SNX19: variants seen among roughly 807,000 people sequenced by gnomAD.
The protein encoded by SNX19 is sorting nexin 19, also known as sorting nexin-19.
SNX19 carries 60 observed loss-of-function variants against 85.2 expected under a neutral mutation model. The observed-to-expected ratio is 0.70, with a 90% CI of 0.57 to 0.87. SNX19 has a LOEUF of 0.87. Among genes scored for constraint, SNX19 ranks in the 40% least tolerant of loss-of-function variants. The pLI is 0.00. For synonymous variants in SNX19, 520 were observed against 470.0 expected, an observed-to-expected ratio of 1.11 and a Z score of -1.38; for missense variants, 1,201 against 1,217.8, an observed-to-expected ratio of 0.99 and a Z score of 0.21.
chr11:130,911,484 T>C, intron 2 of SNX19, 149 bp downstream of exon 2: 1 of 1,487,530 alleles, frequency 6.7e-7, no homozygotes, highest in Non-Finnish European at 8.9e-7. Flanking sequence ...TGTCCAGCAC[T>C]AAACTTCAAA....
intron 5 of SNX19, among the ~76,000 whole-genome samples, chr11:130,907,412 G>A (rs895408271): frequency 6.6e-6 from 1 of 152,104 alleles, no homozygotes; most frequent in East Asian, 1.9e-4. Flanking sequence ...TACATGTGGT[G>A]CCCTTGCTTG....
intron 7 of SNX19, among the ~76,000 whole-genome samples, chr11:130,903,662 A>G (rs996739874): frequency 6.6e-6 from 1 of 151,134 alleles, no homozygotes; most frequent in African/African-American, 2.4e-5. Flanking sequence ...AATTATATAT[A>G]TATCTGCTAA....
chr11:130,894,248 C>T (rs1192995627), intron 8 of SNX19, among the ~76,000 whole-genome samples: 1 of 152,214 alleles, frequency 6.6e-6, no homozygotes, highest in Non-Finnish European at 1.5e-5. Flanking sequence ...CTCATCACCA[C>T]AGACTCTGTT....
In SNX19 at chr11:130,873,901, TTCA is replaced by T. The variant is rs1377594401; in HGVS notation, c.*4518_*4520del. On this transcript the variant is annotated 3_prime_UTR_variant, in exon 11 of 11. Transcript: ENST00000265909. ...CAATTATTTCTGTAGATATCTGACCTTCATGGAAGATGACCTCATCTCTGGGGG... is the reference window on the plus strand; with the variant it reads ...CAATTATTTCTGTAGATATCTGACCTTGGAAGATGACCTCATCTCTGGGGG... Among the ~76,000 whole-genome samples the T allele has an allele frequency of 2.6e-5, 4 of 152,208 alleles. No homozygotes were observed. The highest frequency in any genetic ancestry group is 5.9e-5 in the Non-Finnish European group (4 of 68,050).
intron 8 of SNX19, among the ~76,000 whole-genome samples, chr11:130,898,749 G>C (rs1415776521): frequency 3.3e-5 from 5 of 152,212 alleles, no homozygotes; most frequent in African/African-American, 9.6e-5. Flanking sequence ...ACCTGCAACT[G>C]TCCCAGGGAT....
In SNX19 at chr11:130,878,591, A is replaced by T. The variant is rs752808390; in HGVS notation, c.2847-37T>A. On this transcript the variant is annotated intron_variant, in intron 10 of 10. Coordinates refer to ENST00000265909, the MANE Select transcript of SNX19 (RefSeq NM_014758.3). The stretch of plus-strand genomic sequence containing the variant: ...GGACAAAAAACTTAGGGTCTGGCTC[A>T]ATCAGGAAACACAAGATCCTGTTTA... The T allele has an allele frequency of 5.0e-6, 8 of 1,602,766 alleles. No homozygotes were observed. In the East Asian group the frequency reaches 1.8e-4, roughly 36 times the overall value.
At chr11:130,901,733 C>G (rs996340497) in intron 8 of SNX19, 2 of 152,202 alleles carry the variant, frequency 1.3e-5, no homozygotes, top group East Asian at 3.9e-4. Flanking sequence ...TACCTAGAGC[C>G]CCAGTATATT....
chr11:130,892,010 T>G (rs1189679620), intron 8 of SNX19, among the ~76,000 whole-genome samples: 1 of 151,656 alleles, frequency 6.6e-6, no homozygotes, highest in Non-Finnish European at 1.5e-5. Flanking sequence ...CCGGCAAATT[T>G]TTTTTGTATT....
Position 130,915,883 on chromosome 11 carries a change from G to A in SNX19, c.57C>T (p.His19=), listed in dbSNP as rs1946552325. Residue 19 remains histidine, a synonymous_variant, in exon 1 of 11, where the codon CAC becomes CAT. Transcript: ENST00000265909. ...TCCGGCTACTCAACAGGTTATTGAG[G>A]TGACAGCTCGATCCAGCTGGAGTTT... ...FQETPAGSSC[H]LNNLLSSRKL... The A allele has an allele frequency of 1.2e-6, 2 of 1,614,054 alleles. No individual in the cohort carries two copies. The highest frequency in any genetic ancestry group is 8.5e-7 in the Non-Finnish European group (1 of 1,180,014).
chr11:130,915,585 G>T lies in SNX19; in HGVS notation c.355C>A (p.Arg119Ser). 1.2e-6 allele frequency: 2 copies of T among 1,614,190 alleles called. No individual in the cohort carries two copies. Among genetic ancestry groups the T allele is most frequent in the Non-Finnish European group, 1.7e-6 (2 of 1,180,028 alleles). The change falls in exon 1 of 11, where the codon CGT (arginine) becomes AGT (serine). Residue 119 changes from arginine to serine, a missense_variant. Arg to Ser is a moderately radical substitution (Grantham distance 110). Around this residue, in one of 3 missense-constraint regions of SNX19, gnomAD observed 791 missense variants for 750.9 expected, o/e 1.05. Coordinates refer to ENST00000265909, the MANE Select transcript of SNX19 (RefSeq NM_014758.3). ...IIRDFVLSWY[R>S]SVSQEPAFEE... ...AAGGCTGGCTCCTGGCTCACGGAAC[G>T]GTACCAAGATAACACAAAATCTCGA...
At chr11:130,897,681 C>T (rs1275095454) in intron 8 of SNX19, among the ~76,000 whole-genome samples, 2 of 152,156 alleles carry the variant, frequency 1.3e-5, no homozygotes, top group Admixed American at 6.5e-5. Context: ...CCCCAAACCC[C>T]CTACCATCAA....
Position 130,907,885 on chromosome 11 carries a change from G to C in SNX19, c.2165+68C>G. 3 of 1,595,336 alleles carry C rather than the reference G, an allele frequency of 1.9e-6. No individual in the cohort carries two copies. The Admixed American group carries it at 5.1e-5, about 27-fold the overall frequency. ...TCTAGGGCTTGAGAATAGGGTGAGT[G>C]TTGGCTGAGGATTGGGGATCAATTT... On this transcript the variant is annotated intron_variant, in intron 5 of 10. Transcript: ENST00000265909.
intron 8 of SNX19, among the ~76,000 whole-genome samples, chr11:130,890,357 C>T (rs2135323605): frequency 6.6e-6 from 1 of 152,272 alleles, no homozygotes. Context: ...CCTAATTTGT[C>T]TTCCTGTTTC....
At chr11:130,905,008 T>C (rs1945550797) in intron 7 of SNX19, among the ~76,000 whole-genome samples, 1 of 152,240 alleles carries the variant, frequency 6.6e-6, no homozygotes, top group Non-Finnish European at 1.5e-5. Context: ...GATTTGTTCA[T>C]GGGCACCTCA....
chr11:130,909,220 A>ATC (rs1945901196), intron 4 of SNX19, among the ~76,000 whole-genome samples: 1 of 152,190 alleles, frequency 6.6e-6, no homozygotes, highest in Non-Finnish European at 1.5e-5. Context: ...GATGAATGAT[A>ATC]TCTGCATGGA....
Position 130,914,572 on chromosome 11 carries a change from T to C in SNX19, c.1368A>G (p.Ile456Met). Reference sequence around the variant, plus strand: ...CAGAGGCGGTAACATCTCCTTGTTCTATCTCCTTGTCTGCTGTGTCAATAT... The same window carrying C: ...CAGAGGCGGTAACATCTCCTTGTTCCATCTCCTTGTCTGCTGTGTCAATAT... ...EIHIDTADKE[I>M]EQGDVTASVT... The change falls in exon 1 of 11, where the codon ATA becomes ATG. Residue 456 changes from isoleucine (I) to methionine (M), a missense_variant. Around this residue, in one of 3 missense-constraint regions of SNX19, gnomAD observed 791 missense variants for 750.9 expected, o/e 1.05. Coordinates refer to ENST00000265909, the MANE Select transcript of SNX19 (RefSeq NM_014758.3). The C allele has an allele frequency of 1.9e-6, 3 of 1,613,984 alleles. No homozygotes were observed. Among genetic ancestry groups the C allele is most frequent in the Non-Finnish European group, 2.5e-6 (3 of 1,179,850 alleles).
intron 8 of SNX19, among the ~76,000 whole-genome samples, chr11:130,898,520 T>C (rs1945034839): frequency 6.6e-6 from 1 of 152,176 alleles, no homozygotes; most frequent in Non-Finnish European, 1.5e-5. Flanking sequence ...ATGGCTCAGC[T>C]ACCCGTGGTT....
chr11:130,871,332 T>C lies in SNX19; in HGVS notation c.*7090A>G, dbSNP rs956853410. Among the ~76,000 whole-genome samples, 8 of 152,138 alleles carry C rather than the reference T, an allele frequency of 5.3e-5. No homozygotes were observed. The highest frequency in any genetic ancestry group is 1.9e-4 in the African/African-American group (8 of 41,438). Reference sequence around the variant, plus strand: ...TGAAAAAGCCACTTGCATTTATAGATAACAGAGGGTAAACTTTAAACACAA... The same window carrying C: ...TGAAAAAGCCACTTGCATTTATAGACAACAGAGGGTAAACTTTAAACACAA... On this transcript the variant is annotated 3_prime_UTR_variant, in exon 11 of 11. Transcript: ENST00000265909.
chr11:130,902,497 TCTTA>T (rs1430323079), intron 8 of SNX19, among the ~76,000 whole-genome samples: 3 of 152,216 alleles, frequency 2.0e-5, no homozygotes, highest in Non-Finnish European at 2.9e-5. Flanking sequence ...TTTGGCTTCC[TCTTA>T]CTTTGGGATG....
Sources: gnomAD v4.1 joint callset for allele counts (sites outside exome capture counted in the v4.1 genomes callset) on GRCh38, gnomAD v4.1.1 for gene constraint, gnomAD v4.1.1 regional missense constraint, MANE v1.5 for transcripts, NCBI Gene and HGNC (gene_info 2026-07-23, HGNC 2026-07-21) for gene names.